PTPRG: variants seen among roughly 807,000 people sequenced by gnomAD.
The protein encoded by PTPRG is protein tyrosine phosphatase receptor type G.
A neutral mutation model predicts 165.3 loss-of-function variants in PTPRG; 102 were observed. That is an observed-to-expected ratio of 0.62 (90% confidence interval 0.53 to 0.73). The LOEUF is 0.73. Among genes scored for constraint, PTPRG ranks in the 30% least tolerant of loss-of-function variants. PTPRG has a pLI of 0.00. For synonymous variants in PTPRG, 675 were observed against 669.5 expected, an observed-to-expected ratio of 1.01 and a Z score of -0.13; for missense variants, 1,866 against 1,861.4, an observed-to-expected ratio of 1.00 and a Z score of -0.05.
intron 5 of PTPRG, among the ~76,000 whole-genome samples, chr3:62,115,640 CT>C (rs74266091): frequency 4.6e-3 from 657 of 141,412 alleles, no homozygotes; most frequent in Middle Eastern, 0.011. Flanking sequence ...AAGGCACATT[CT>C]TTTTTTTTTT....
intron 2 of PTPRG, among the ~76,000 whole-genome samples, chr3:61,898,391 G>A (rs1316966591): frequency 2.0e-5 from 3 of 152,002 alleles, no homozygotes; most frequent in South Asian, 2.1e-4. Flanking sequence ...GAGGTGCTCC[G>A]GCCTCATTGT....
At chr3:62,247,691 T>C (rs370265550) in intron 15 of PTPRG, among the ~76,000 whole-genome samples, 90 of 152,280 alleles carry the variant, frequency 5.9e-4, no homozygotes, top group East Asian at 2.1e-3. Context: ...CACAGCCACG[T>C]TGAATGTTGA....
intron 1 of PTPRG, among the ~76,000 whole-genome samples, chr3:61,662,229 A>AT (rs1488068491): frequency 1.9e-4 from 29 of 152,224 alleles, no homozygotes; most frequent in African/African-American, 7.0e-4. Flanking sequence ...CCTGATGAAC[A>AT]TAATAAGGTT....
At chr3:61,690,625 CCTT>C (rs1220130145) in intron 1 of PTPRG, among the ~76,000 whole-genome samples, 8 of 152,316 alleles carry the variant, frequency 5.3e-5, no homozygotes, top group South Asian at 2.1e-4. Flanking sequence ...CGTCCATCCT[CCTT>C]CTCCGTCATC....
intron 23 of PTPRG, among the ~76,000 whole-genome samples, chr3:62,274,905 C>T (rs1369948307): frequency 6.6e-6 from 1 of 151,986 alleles, no homozygotes; most frequent in Non-Finnish European, 1.5e-5. Flanking sequence ...TTCGTTTCTT[C>T]AATTTTTTTT....
chr3:62,185,510 C>T (rs532644876), intron 8 of PTPRG, among the ~76,000 whole-genome samples: 1 of 152,206 alleles, frequency 6.6e-6, no homozygotes, highest in South Asian at 2.1e-4. Context: ...CAGTAGAAAA[C>T]TCACCTCGCC....
chr3:62,117,106 T>G (rs7625958), intron 5 of PTPRG, among the ~76,000 whole-genome samples: 91,298 of 152,070 alleles, frequency 0.6, 27,861 homozygotes, highest in Middle Eastern at 0.67. Context: ...CCCTGAGACT[T>G]CTGCTTTATT....
At chr3:62,085,523 G>A (rs1310261325) in intron 5 of PTPRG, among the ~76,000 whole-genome samples, 3 of 152,194 alleles carry the variant, frequency 2.0e-5, no homozygotes, top group South Asian at 2.1e-4. Flanking sequence ...GGTGATGAGT[G>A]AAGAGGGTTT....
At chr3:62,016,834 T>C (rs1044496076) in intron 4 of PTPRG, among the ~76,000 whole-genome samples, 1 of 152,200 alleles carries the variant, frequency 6.6e-6, no homozygotes, top group African/African-American at 2.4e-5. Flanking sequence ...CACCCTCTTT[T>C]CACTGGCTTT....
At chr3:61,903,986 G>A (rs934988126) in intron 2 of PTPRG, among the ~76,000 whole-genome samples, 1 of 152,184 alleles carries the variant, frequency 6.6e-6, no homozygotes, top group African/African-American at 2.4e-5. Context: ...AAAGATGGAT[G>A]TCATTCAGGT....
At chr3:61,635,847 A>T (rs932418602) in intron 1 of PTPRG, among the ~76,000 whole-genome samples, 2 of 152,146 alleles carry the variant, frequency 1.3e-5, no homozygotes, top group African/African-American at 4.8e-5. Flanking sequence ...GAAAAATATT[A>T]GAGTTTTGGT....
intron 1 of PTPRG, among the ~76,000 whole-genome samples, chr3:61,662,946 C>T (rs755732873): frequency 6.6e-6 from 1 of 152,150 alleles, no homozygotes; most frequent in Non-Finnish European, 1.5e-5. Flanking sequence ...AGGTTCAAGT[C>T]GAGTAGCTTC....
chr3:61,622,329 G>A (rs1286663439), intron 1 of PTPRG, among the ~76,000 whole-genome samples: 3 of 152,166 alleles, frequency 2.0e-5, no homozygotes, highest in Non-Finnish European at 2.9e-5. Flanking sequence ...GGTAAAGAAG[G>A]GGGAGCTGGA....
chr3:62,266,936 C>A (rs886570388), intron 17 of PTPRG, among the ~76,000 whole-genome samples: 1 of 151,240 alleles, frequency 6.6e-6, no homozygotes, highest in Non-Finnish European at 1.5e-5. Flanking sequence ...TTACTCTTAA[C>A]AAAAGCTCTG....
intron 6 of PTPRG, among the ~76,000 whole-genome samples, chr3:62,143,033 G>A (rs183707784): frequency 7.2e-5 from 11 of 152,302 alleles, no homozygotes; most frequent in African/African-American, 2.6e-4. Context: ...AGGTCTTCCT[G>A]ACTTCAGACT....
At chr3:62,125,022 A>G (rs1703234764) in intron 5 of PTPRG, among the ~76,000 whole-genome samples, 1 of 152,214 alleles carries the variant, frequency 6.6e-6, no homozygotes, top group Non-Finnish European at 1.5e-5. Context: ...CTGCAGTAGA[A>G]TTCAGTACAT....
At chr3:61,781,788 C>G (rs933490014) in intron 2 of PTPRG, among the ~76,000 whole-genome samples, 2 of 151,634 alleles carry the variant, frequency 1.3e-5, no homozygotes, top group East Asian at 3.9e-4. Flanking sequence ...AGTGCAGTGG[C>G]GAGATCATAG....
chr3:61,827,356 A>T (rs1353531524), intron 2 of PTPRG, among the ~76,000 whole-genome samples: 1 of 152,178 alleles, frequency 6.6e-6, no homozygotes, highest in Non-Finnish European at 1.5e-5. Context: ...GCACTTTCGG[A>T]GAAGGGTTTC....
intron 1 of PTPRG, among the ~76,000 whole-genome samples, chr3:61,667,518 T>C (rs1274170076): frequency 2.8e-4 from 43 of 152,226 alleles, no homozygotes; most frequent in Non-Finnish European, 1.6e-4. Context: ...TAAGCACTTT[T>C]CCCATTTTAA....
Sources: gnomAD v4.1 joint callset for allele counts (sites outside exome capture counted in the v4.1 genomes callset) on GRCh38, gnomAD v4.1.1 for gene constraint, MANE v1.5 for transcripts, NCBI Gene and HGNC (gene_info 2026-07-23, HGNC 2026-07-21) for gene names.